The following SPECC1 variants were observed in gnomAD, a reference collection of about 807,000 sequenced individuals.
SPECC1 encodes the protein sperm antigen with calponin homology and coiled-coil domains 1, also known as cytospin-B.
SPECC1 carries 62 observed loss-of-function variants against 104.1 expected under a neutral mutation model. The observed-to-expected ratio is 0.60, with a 90% confidence interval of 0.49 to 0.74. The LOEUF is 0.74. Among genes scored for constraint, SPECC1 ranks in the 30% least tolerant of loss-of-function variants. The pLI, the probability that SPECC1 is intolerant of heterozygous loss-of-function variation, is 0.00. For missense variants in SPECC1, 1,306 were observed against 1,310.5 expected, an observed-to-expected ratio of 1.00 and a Z score of 0.05; for synonymous variants, 513 against 501.6, an observed-to-expected ratio of 1.02 and a Z score of -0.30.
At chr17:20,134,528 G>A (rs935463735) in intron 3 of SPECC1, among the ~76,000 whole-genome samples, 13 of 152,126 alleles carry the variant, frequency 8.5e-5, no homozygotes, top group African/African-American at 3.1e-4. Context: ...CCAATTAAAT[G>A]TGCTTCGTAC....
chr17:20,262,814 A>G (rs2040075045), intron 12 of SPECC1, among the ~76,000 whole-genome samples: 1 of 152,126 alleles, frequency 6.6e-6, no homozygotes, highest in South Asian at 2.1e-4. Context: ...TCTTAAAACC[A>G]GAATCTACCC....
chr17:20,264,457 ATTTTTTTTTTTT>A (rs10565315), intron 12 of SPECC1, among the ~76,000 whole-genome samples: 38 of 55,774 alleles, frequency 6.8e-4, no homozygotes, highest in Non-Finnish European at 9.0e-4. Context: ...TTGGAGACGG[ATTTTTTTTTTTT>A]TTTTTTTTTT....
At chr17:20,245,091 T>G (rs193017817) in intron 7 of SPECC1, among the ~76,000 whole-genome samples, 3 of 152,332 alleles carry the variant, frequency 2.0e-5, no homozygotes, top group African/African-American at 7.2e-5. Context: ...ATTCTTATGC[T>G]TAGAAGTCAG....
At chr17:20,054,985 A>G (rs2045907558) in intron 1 of SPECC1, among the ~76,000 whole-genome samples, 2 of 152,194 alleles carry the variant, frequency 1.3e-5, no homozygotes, top group African/African-American at 2.4e-5. Flanking sequence ...TAAGTGTACA[A>G]TACATTATTG....
intron 1 of SPECC1, among the ~76,000 whole-genome samples, chr17:20,039,724 T>C (rs1377782364): frequency 6.6e-6 from 1 of 151,908 alleles, no homozygotes; most frequent in East Asian, 1.9e-4. Context: ...CTGGCTAATT[T>C]TTTTGTATTT....
intron 3 of SPECC1, among the ~76,000 whole-genome samples, chr17:20,182,854 C>G (rs1335506595): frequency 2.6e-5 from 4 of 152,216 alleles, no homozygotes; most frequent in African/African-American, 7.2e-5. Context: ...TGGCCAGAAC[C>G]TAGCCATCTG....
chr17:20,203,300 C>G (rs1246777347), intron 3 of SPECC1, among the ~76,000 whole-genome samples: 4 of 149,978 alleles, frequency 2.7e-5, no homozygotes, highest in Admixed American at 2.6e-4. Flanking sequence ...AAAAAAAAGT[C>G]CAGGATTTTA....
intron 12 of SPECC1, among the ~76,000 whole-genome samples, chr17:20,288,340 C>T (rs1406538692): frequency 6.6e-6 from 1 of 151,940 alleles, no homozygotes; most frequent in Non-Finnish European, 1.5e-5. Context: ...AATGGTTTTT[C>T]TTCTAGATCT....
At position 20,101,156 on chromosome 17, in the gene SPECC1, T is replaced by C. The variant is rs1323409196; in HGVS notation, c.147+4358T>C. 2.6e-5 allele frequency among the ~76,000 whole-genome samples: 4 copies of C among 152,190 alleles called. No homozygotes were observed. In the East Asian group the frequency reaches 7.7e-4, roughly 29 times the overall value. On this transcript the variant is annotated intron_variant, in intron 2 of 14. Transcript: ENST00000395527. ...TGCATGTGTCTTTTTAGTGGAATGATTTATATTCCGTTGGGTATATACCCA... is the reference window on the plus strand; with the variant it reads ...TGCATGTGTCTTTTTAGTGGAATGACTTATATTCCGTTGGGTATATACCCA...
chr17:20,064,491 A>C (rs777818115), intron 1 of SPECC1, among the ~76,000 whole-genome samples: 1 of 152,190 alleles, frequency 6.6e-6, no homozygotes, highest in Non-Finnish European at 1.5e-5. Flanking sequence ...CTGGGAGGGA[A>C]GCACAGTGTG....
chr17:20,166,746 G>C (rs1386221060), intron 3 of SPECC1, among the ~76,000 whole-genome samples: 7 of 152,228 alleles, frequency 4.6e-5, no homozygotes, highest in African/African-American at 1.7e-4. Context: ...TCTTTCCTCA[G>C]TACCTAGCCC....
At chr17:20,128,755 C>A (rs2049449237) in intron 3 of SPECC1, among the ~76,000 whole-genome samples, 1 of 151,696 alleles carries the variant, frequency 6.6e-6, no homozygotes, top group Non-Finnish European at 1.5e-5. Flanking sequence ...ATTTTTATCA[C>A]TTTGAAATTT....
At chr17:20,114,764 A>G (rs2048676068) in intron 3 of SPECC1, among the ~76,000 whole-genome samples, 1 of 152,194 alleles carries the variant, frequency 6.6e-6, no homozygotes, top group Non-Finnish European at 1.5e-5. Flanking sequence ...CTATATCTAC[A>G]TATGCAAAGC....
chr17:20,127,661 T>G (rs2152543611), intron 3 of SPECC1, among the ~76,000 whole-genome samples: 1 of 152,248 alleles, frequency 6.6e-6, no homozygotes, highest in South Asian at 2.1e-4. Flanking sequence ...TTGCATTATC[T>G]GGGGTGAAAG....
At chr17:20,293,938 G>T (rs2041253958) in intron 12 of SPECC1, among the ~76,000 whole-genome samples, 1 of 152,160 alleles carries the variant, frequency 6.6e-6, no homozygotes, top group South Asian at 2.1e-4. Flanking sequence ...ACCGGTACAG[G>T]AGTCTTCAGA....
At chr17:20,117,441 A>C (rs2048815023) in intron 3 of SPECC1, among the ~76,000 whole-genome samples, 1 of 152,130 alleles carries the variant, frequency 6.6e-6, no homozygotes, top group South Asian at 2.1e-4. Context: ...AATTATTTGC[A>C]ATACATGTAA....
At position 20,111,808 on chromosome 17, in the gene SPECC1, G is replaced by C. The variant is rs1215628116; in HGVS notation, c.283+1246G>C. 6.4e-4 allele frequency: 89 copies of C among 139,912 alleles called. 1 individual carries two copies. Among genetic ancestry groups the C allele is most frequent in the South Asian group, 3.4e-3 (86 of 25,074 alleles). 8.7% of individuals were successfully genotyped at this position (139,912 alleles called of 1,614,324 possible). A position where few individuals can be genotyped will look rare whatever the true frequency, so the allele number is the denominator to read the frequency against. ...AGGGTGGTGGCTCACTCAGGACCCAGGGGGGGGGCAGCGCGATGAGGTGGG... is the reference window on the plus strand; with the variant it reads ...AGGGTGGTGGCTCACTCAGGACCCACGGGGGGGGCAGCGCGATGAGGTGGG... On this transcript the variant is annotated intron_variant, in intron 3 of 14. Coordinates refer to ENST00000395527, the MANE Select transcript of SPECC1 (RefSeq NM_001243439.2).
At chr17:20,105,646 CG>C (rs764820297) in intron 2 of SPECC1, among the ~76,000 whole-genome samples, 22 of 152,238 alleles carry the variant, frequency 1.4e-4, no homozygotes, top group African/African-American at 2.4e-4. Flanking sequence ...GCTTTCCCCC[CG>C]GTCACTGCTA....
At chr17:20,163,091 T>C (rs1312565151) in intron 3 of SPECC1, among the ~76,000 whole-genome samples, 1 of 152,132 alleles carries the variant, frequency 6.6e-6, no homozygotes, top group Non-Finnish European at 1.5e-5. Context: ...TAGTAAAAAA[T>C]CTAAGAAGGT....
Sources: gnomAD v4.1 joint callset for allele counts (sites outside exome capture counted in the v4.1 genomes callset) on GRCh38, gnomAD v4.1.1 for gene constraint, MANE v1.5 for transcripts, NCBI Gene and HGNC (gene_info 2026-07-23, HGNC 2026-07-21) for gene names.